Variants in ZNF248 observed in about 807,000 individuals in gnomAD.
The protein encoded by ZNF248 is zinc finger protein 248.
Under a neutral mutation model 44.3 loss-of-function variants are expected in ZNF248, and 20 were observed. The observed-to-expected ratio is 0.45, with a 90% CI of 0.32 to 0.66. The LOEUF (loss-of-function observed/expected upper bound fraction) is 0.66. ZNF248 is among the 30% of genes least tolerant of loss of function. The probability of loss-of-function intolerance (pLI) is 0.04; values close to 1 mark genes in which losing one functional copy is unlikely to be tolerated. For missense variants in ZNF248, 654 were observed against 677.0 expected (o/e 0.97, Z 0.38); for synonymous variants, 224 against 229.0 (o/e 0.98, Z 0.20).
rs1251238619 is a variant in ZNF248, at chr10:37,851,973, C to T, written c.15+4323G>A. Among the ~76,000 whole-genome samples, 9 of 152,022 alleles carry T rather than the reference C, an allele frequency of 5.9e-5. No individual in the cohort carries two copies. In the South Asian group the frequency reaches 6.2e-4, roughly 11 times the overall value. ...TTAAACTGTGATATATCCAGCCGGG[C>T]GCGGTGGCTCACGTCTGTATTCCCA... is the stretch of plus-strand genomic sequence containing the variant. On this transcript the variant is annotated intron_variant, in intron 3 of 5. Transcript: ENST00000395867.
At chr10:37,816,835 T>G (rs2052551604) in intron 6 of ZNF248, among the ~76,000 whole-genome samples, 1 of 152,000 alleles carries the variant, frequency 6.6e-6, no homozygotes, top group Non-Finnish European at 1.5e-5. Flanking sequence ...CTAGGAACCG[T>G]GTTTTAGGAG....
At chr10:37,788,477 C>T (rs2048144524) in intron 6 of ZNF248, among the ~76,000 whole-genome samples, 1 of 151,874 alleles carries the variant, frequency 6.6e-6, no homozygotes, top group Non-Finnish European at 1.5e-5. Flanking sequence ...AAAAATTACC[C>T]AGGCTTGGTG....
At chr10:37,795,758 T>C (rs897677384) in intron 6 of ZNF248, 11 of 152,256 alleles carry the variant, frequency 7.2e-5, no homozygotes, top group African/African-American at 2.7e-4. Flanking sequence ...TCATTAATTC[T>C]GAAATATATT....
chr10:37,837,502 G>A (rs1159276505), intron 5 of ZNF248, 115 bp downstream of exon 5: 1 of 797,158 alleles, frequency 1.3e-6, no homozygotes, highest in Non-Finnish European at 2.0e-6. Context: ...ATTTCCAAAG[G>A]TCTGGGGCTA....
At chr10:37,778,480 G>T (rs1195944550) in intron 6 of ZNF248, among the ~76,000 whole-genome samples, 1 of 151,536 alleles carries the variant, frequency 6.6e-6, no homozygotes, top group Non-Finnish European at 1.5e-5. Flanking sequence ...CTCCCATTTT[G>T]TAGGTTGCCT....
intron 6 of ZNF248, among the ~76,000 whole-genome samples, chr10:37,781,350 C>A (rs1458924353): frequency 6.6e-6 from 1 of 152,166 alleles, no homozygotes; most frequent in Non-Finnish European, 1.5e-5. Flanking sequence ...TGGACTTGTT[C>A]CTGCGTCCAG....
intron 6 of ZNF248, chr10:37,818,834 G>A (rs1326697976): frequency 3.2e-6 from 3 of 923,628 alleles, no homozygotes; most frequent in Non-Finnish European, 5.3e-6. Context: ...GCAGCTTTAA[G>A]AATAGTATTC....
At chr10:37,821,477 C>G (rs1489679338) in intron 6 of ZNF248, among the ~76,000 whole-genome samples, 1 of 152,208 alleles carries the variant, frequency 6.6e-6, no homozygotes, top group Non-Finnish European at 1.5e-5. Flanking sequence ...CAGTCCAGCT[C>G]TTACTAGACG....
chr10:37,779,132 G>C (rs544641184), intron 6 of ZNF248, among the ~76,000 whole-genome samples: 190 of 150,956 alleles, frequency 1.3e-3, no homozygotes, highest in Non-Finnish European at 2.4e-3. Context: ...CCAATCAATA[G>C]AAAAAGAGGG....
chr10:37,810,498 C>A (rs2051317336), intron 6 of ZNF248, among the ~76,000 whole-genome samples: 1 of 151,962 alleles, frequency 6.6e-6, no homozygotes, highest in Non-Finnish European at 1.5e-5. Flanking sequence ...GACCCATGAA[C>A]AACATGGGTT....
chr10:37,779,328 G>A (rs1281561094), intron 6 of ZNF248, among the ~76,000 whole-genome samples: 1 of 152,160 alleles, frequency 6.6e-6, no homozygotes, highest in Non-Finnish European at 1.5e-5. Context: ...GATCAAGTGG[G>A]CATCATCCCT....
intron 6 of ZNF248, among the ~76,000 whole-genome samples, chr10:37,782,796 A>G (rs1229581920): frequency 6.6e-6 from 1 of 152,166 alleles, no homozygotes; most frequent in Admixed American, 6.5e-5. Flanking sequence ...AAGAGGCAAG[A>G]GAGGATTCTC....
In ZNF248 at chr10:37,819,152, T is replaced by C. The variant is rs11011376; in HGVS notation, c.330+13873A>G. 6.8e-3 allele frequency: 5,369 copies of C among 786,128 alleles called. 60 individuals carry two copies. Among genetic ancestry groups the C allele is most frequent in the Middle Eastern group, 0.031 (123 of 3,908 alleles). 48.7% of individuals were successfully genotyped at this position (786,128 alleles called of 1,614,324 possible). A position where few individuals can be genotyped will look rare whatever the true frequency, so the allele number is the denominator to read the frequency against. Reference sequence around the variant, plus strand: ...AATATTCCCTGGTTTGAGGTCATAGTGTATGATGGGAGGTTTTATTTTATT... The same window carrying C: ...AATATTCCCTGGTTTGAGGTCATAGCGTATGATGGGAGGTTTTATTTTATT... On this transcript the variant is annotated intron_variant, in intron 6 of 6. Coordinates refer to the ZNF248 transcript ENST00000615949.
At chr10:37,786,752 C>T (rs922852173) in intron 6 of ZNF248, among the ~76,000 whole-genome samples, 1 of 152,000 alleles carries the variant, frequency 6.6e-6, no homozygotes, top group African/African-American at 2.4e-5. Flanking sequence ...TTGTATTCTA[C>T]CTTTGTGTAT....
At chr10:37,844,558 G>A (rs562827693) in intron 3 of ZNF248, among the ~76,000 whole-genome samples, 1 of 152,292 alleles carries the variant, frequency 6.6e-6, no homozygotes, top group South Asian at 2.1e-4. Context: ...GTCATTCAGT[G>A]CACAATGTAT....
At chr10:37,772,578 G>A (rs1456240365), downstream of ZNF248, among the ~76,000 whole-genome samples, 5 of 152,192 alleles carry the variant, frequency 3.3e-5, no homozygotes, top group South Asian at 2.1e-4. Flanking sequence ...TTGGGGCTCT[G>A]ATAATGGCCA....
At chr10:37,803,646 T>G (rs1237021526) in intron 6 of ZNF248, 1 of 152,208 alleles carries the variant, frequency 6.6e-6, no homozygotes, top group East Asian at 1.9e-4. Context: ...CGTGGGTTCT[T>G]AGGGACTACT....
chr10:37,764,042 G>C, the ZNF248 span, among the ~76,000 whole-genome samples: 58 of 152,306 alleles, frequency 3.8e-4, no homozygotes, highest in East Asian at 0.01. Flanking sequence ...GATGTTCAGG[G>C]AACAAGGGAG....
chr10:37,795,181 C>T (rs1264183517), intron 6 of ZNF248: 1 of 152,142 alleles, frequency 6.6e-6, no homozygotes, highest in East Asian at 1.9e-4. Flanking sequence ...GATGTACGTA[C>T]AGTAGAATGT....
Sources: gnomAD v4.1 joint callset for allele counts (sites outside exome capture counted in the v4.1 genomes callset) on GRCh38, gnomAD v4.1.1 for gene constraint, MANE v1.5 for transcripts, NCBI Gene and HGNC (gene_info 2026-07-23, HGNC 2026-07-21) for gene names.